Variants in ZFHX3 observed in about 807,000 individuals in gnomAD.
ZFHX3 encodes the protein zinc finger homeobox protein 3.
ZFHX3 carries 42 observed loss-of-function variants against 279.1 expected under a neutral mutation model. The observed-to-expected ratio is 0.15, with a 90% CI of 0.12 to 0.19. The LOEUF is 0.19. Among genes scored for constraint, ZFHX3 ranks in the 10% least tolerant of loss-of-function variants. The pLI is 1.00. For missense variants in ZFHX3, 4,981 were observed against 4,754.0 expected, an observed-to-expected ratio of 1.05 and a Z score of -1.40; for synonymous variants, 2,293 against 1,957.8, an observed-to-expected ratio of 1.17 and a Z score of -4.52.
At chr16:72,997,858 T>C (rs1349977562) in intron 1 of ZFHX3, among the ~76,000 whole-genome samples, 2 of 152,004 alleles carry the variant, frequency 1.3e-5, no homozygotes, top group Non-Finnish European at 2.9e-5. Flanking sequence ...GGCGGCAAGA[T>C]CGCTTGAGCC....
intron 3 of ZFHX3, among the ~76,000 whole-genome samples, chr16:73,389,700 T>C (rs943889688): frequency 6.6e-6 from 1 of 152,238 alleles, no homozygotes. Context: ...TCTGATTTCC[T>C]ATCATTTCCA....
intron 2 of ZFHX3, among the ~76,000 whole-genome samples, chr16:73,624,944 G>T (rs554453714): frequency 6.6e-6 from 1 of 152,304 alleles, no homozygotes; most frequent in African/African-American, 2.4e-5. Flanking sequence ...GGACAAAGTC[G>T]CCAAAATGTA....
chr16:72,934,062 C>T (rs1331215197), intron 3 of ZFHX3, among the ~76,000 whole-genome samples: 3 of 152,128 alleles, frequency 2.0e-5, no homozygotes, highest in Non-Finnish European at 4.4e-5. Context: ...TGGTGATCCA[C>T]CTATCTCAGC....
chr16:73,376,657 G>A (rs1330145062), intron 3 of ZFHX3, among the ~76,000 whole-genome samples: 3 of 152,080 alleles, frequency 2.0e-5, no homozygotes, highest in South Asian at 2.1e-4. Flanking sequence ...ACAACCGTAC[G>A]GGAAGATTTA....
intron 1 of ZFHX3, among the ~76,000 whole-genome samples, chr16:73,687,167 T>A (rs139910071): frequency 1.3e-5 from 2 of 148,224 alleles, no homozygotes; most frequent in African/African-American, 5.0e-5. Flanking sequence ...GGTGGGCAGA[T>A]TGCTTGAGCT....
rs2035342048 is a variant in ZFHX3 at position 72,785,785 on chromosome 16, C to T, written c.*1379G>A. On this transcript the variant is annotated 3_prime_UTR_variant, in exon 10 of 10. Transcript: ENST00000268489. The stretch of plus-strand genomic sequence containing the variant: ...ATAGAAAAAAAAAGAATATTTGAAG[C>T]TCCTACCAAACAAGGAGGAAAAGAA... 1 of 151,290 alleles carries T rather than the reference C, an allele frequency of 6.6e-6. No homozygotes were observed. The highest frequency in any genetic ancestry group is 1.5e-5 in the Non-Finnish European group (1 of 67,944). The allele number at this position is 151,290 out of a possible 1,614,324, so 9.4% of individuals were successfully genotyped here. A position where few individuals can be genotyped will look rare whatever the true frequency, so the allele number is the denominator to read the frequency against.
chr16:73,219,936 A>G (rs973914067), intron 5 of ZFHX3, among the ~76,000 whole-genome samples: 1 of 152,054 alleles, frequency 6.6e-6, no homozygotes, highest in African/African-American at 2.4e-5. Context: ...AAATACAAAA[A>G]TTAGCCAGGT....
In ZFHX3 at chr16:73,539,433, CTTTT is replaced by C. The variant is rs1162434013; in HGVS notation, c.-1546-83179_-1546-83176del. ...TAAATTTTTTTCCCTTCCTCTTCTT[CTTTT>C]TTTTTTTTTTTTTTTTTTTTTTTTT... On this transcript the variant is annotated intron_variant, in intron 2 of 17. Coordinates refer to the ZFHX3 transcript ENST00000641206. 2.5e-3 allele frequency among the ~76,000 whole-genome samples: 160 copies of C among 65,076 alleles called. 2 individuals are homozygous for C. Among genetic ancestry groups the C allele is most frequent in the African/African-American group, 8.6e-3 (150 of 17,434 alleles). The allele number at this position is 65,076 out of a possible 152,430, so 42.7% of individuals were successfully genotyped here. A position where few individuals can be genotyped will look rare whatever the true frequency, so the allele number is the denominator to read the frequency against.
intron 2 of ZFHX3, among the ~76,000 whole-genome samples, chr16:73,479,008 T>C (rs552015558): frequency 1.3e-3 from 193 of 152,150 alleles, no homozygotes; most frequent in Non-Finnish European, 2.4e-3. Context: ...GCCGAGATCA[T>C]GCCACTGCAC....
In ZFHX3 at chr16:72,787,278, C is replaced by T. The variant is rs759515178; in HGVS notation, c.10998G>A (p.Thr3666=). 7.4e-6 allele frequency: 12 copies of T among 1,613,902 alleles called. No individual in the cohort carries two copies. The highest frequency in any genetic ancestry group is 1.6e-4 in the Middle Eastern group (1 of 6,084). Residue 3666 remains threonine (T), a synonymous_variant, in exon 10 of 10, where the codon ACG becomes ACA. Transcript: ENST00000268489. Reference sequence around the variant, plus strand: ...GTCCGTCGGACTTTTGGCTGAGATCCGTGTCAGACTCCTCCGAATAGTCGT... The same window carrying T: ...GTCCGTCGGACTTTTGGCTGAGATCTGTGTCAGACTCCTCCGAATAGTCGT... The part of the protein sequence containing the change: ...PTDDYSEESD[T]DLSQKSDGPA...
intron 3 of ZFHX3, among the ~76,000 whole-genome samples, chr16:73,424,504 G>T (rs529688885): frequency 2.0e-5 from 3 of 152,048 alleles, no homozygotes; most frequent in Non-Finnish European, 4.4e-5. Flanking sequence ...CAGTACTTCG[G>T]GAGGCCCAGG....
intron 2 of ZFHX3, among the ~76,000 whole-genome samples, chr16:73,594,715 C>T (rs764393102): frequency 2.0e-5 from 3 of 152,144 alleles, no homozygotes; most frequent in African/African-American, 4.8e-5. Context: ...AACCACTGGC[C>T]GCCCACAAGC....
chr16:73,181,026 A>G lies in ZFHX3; in HGVS notation c.-1103-37195T>C, dbSNP rs942180826. Reference sequence around the variant, plus strand: ...GAAATACCTTTTGGGAATGTCTTGGAGTAATTTGTGTAGGCAGGGCTTTGG... The same window carrying G: ...GAAATACCTTTTGGGAATGTCTTGGGGTAATTTGTGTAGGCAGGGCTTTGG... On this transcript the variant is annotated intron_variant, in intron 5 of 17. Coordinates refer to the ZFHX3 transcript ENST00000641206. Among the ~76,000 whole-genome samples, 10 of 152,154 alleles carry G rather than the reference A, an allele frequency of 6.6e-5. No individual in the cohort carries two copies. In the East Asian group the frequency reaches 9.7e-4, roughly 15 times the overall value.
chr16:73,655,002 A>G (rs1039293311), intron 2 of ZFHX3, among the ~76,000 whole-genome samples: 3 of 152,016 alleles, frequency 2.0e-5, no homozygotes, highest in Admixed American at 6.6e-5. Flanking sequence ...CTGGGATTAC[A>G]GGAGCCAGCC....
intron 2 of ZFHX3, among the ~76,000 whole-genome samples, chr16:73,579,853 A>ATT (rs1320896606): frequency 1.4e-4 from 5 of 36,894 alleles, no homozygotes; most frequent in African/African-American, 6.2e-4. Context: ...TATTATACAG[A>ATT]TTATATATAT....
chr16:73,600,538 C>T (rs2052101449), intron 2 of ZFHX3, among the ~76,000 whole-genome samples: 1 of 151,936 alleles, frequency 6.6e-6, no homozygotes, highest in African/African-American at 2.4e-5. Context: ...CTGCCTCAGC[C>T]TCCCAAGTAG....
intron 4 of ZFHX3, among the ~76,000 whole-genome samples, chr16:73,259,003 C>T (rs574158373): frequency 3.3e-5 from 5 of 152,264 alleles, no homozygotes; most frequent in African/African-American, 9.6e-5. Context: ...TTAAACTCAA[C>T]GTTAAGTTTT....
chr16:72,823,532 G>T (rs1200357701), intron 5 of ZFHX3, among the ~76,000 whole-genome samples: 1 of 152,194 alleles, frequency 6.6e-6, no homozygotes, highest in East Asian at 1.9e-4. Context: ...AAGGGCATAT[G>T]GTGCTCAGAC....
At chr16:73,569,926 C>T (rs991800540) in intron 2 of ZFHX3, among the ~76,000 whole-genome samples, 4 of 152,140 alleles carry the variant, frequency 2.6e-5, no homozygotes, top group African/African-American at 7.2e-5. Context: ...ACCCGTTTCC[C>T]TTAATCACCC....
Sources: allele counts gnomAD v4.1 joint callset (sites outside exome capture counted in the v4.1 genomes callset), GRCh38; gene constraint gnomAD v4.1.1; transcripts MANE v1.5; gene names NCBI Gene and HGNC (gene_info 2026-07-23, HGNC 2026-07-21).